Variants in MAMDC2 observed in about 807,000 individuals in gnomAD.
The protein encoded by MAMDC2 is MAM domain containing 2.
A neutral mutation model predicts 89.8 loss-of-function variants in MAMDC2; 57 were observed. The ratio of observed to expected loss-of-function variants is 0.63; its 90% CI spans 0.51 to 0.79. The LOEUF (loss-of-function observed/expected upper bound fraction) is 0.79. MAMDC2 is among the 30% of genes least tolerant of loss of function. MAMDC2 has a pLI of 0.00. For missense variants in MAMDC2, 800 were observed against 820.6 expected, an observed-to-expected ratio of 0.97 and a Z score of 0.31; for synonymous variants, 313 against 293.4, an observed-to-expected ratio of 1.07 and a Z score of -0.68.
intron 2 of MAMDC2, among the ~76,000 whole-genome samples, chr9:70,047,649 G>C (rs1289997000): frequency 6.6e-6 from 1 of 152,168 alleles, no homozygotes; most frequent in Admixed American, 6.5e-5. Flanking sequence ...TGTAAATAGT[G>C]CTGCAATAAA....
intron 2 of MAMDC2, chr9:70,092,374 G>C (rs1177026420): frequency 6.6e-6 from 1 of 152,220 alleles, no homozygotes; most frequent in Admixed American, 6.5e-5. Flanking sequence ...ACTCAATAAA[G>C]ACTATTTTGC....
chr9:70,064,781 C>G (rs1280097898), intron 2 of MAMDC2, among the ~76,000 whole-genome samples: 3 of 152,180 alleles, frequency 2.0e-5, no homozygotes, highest in Non-Finnish European at 4.4e-5. Flanking sequence ...CTCTAGTTGT[C>G]TAATGAGGAA....
At chr9:70,056,258 G>A (rs1230348851) in intron 2 of MAMDC2, among the ~76,000 whole-genome samples, 2 of 152,166 alleles carry the variant, frequency 1.3e-5, no homozygotes. Flanking sequence ...TTTATTAAAA[G>A]TGAATAATAG....
chr9:70,084,595 T>C (rs954871882), intron 2 of MAMDC2, among the ~76,000 whole-genome samples: 1 of 152,126 alleles, frequency 6.6e-6, no homozygotes, highest in African/African-American at 2.4e-5. Context: ...TCCCTCTGCC[T>C]GATTCCTTTC....
chr9:70,046,828 C>T (rs1826764964), intron 2 of MAMDC2, among the ~76,000 whole-genome samples: 1 of 152,250 alleles, frequency 6.6e-6, no homozygotes, highest in Admixed American at 6.5e-5. Flanking sequence ...CCTCTGAGCA[C>T]TCCAGGGTGG....
At chr9:70,198,877 T>C (rs993010421) in intron 11 of MAMDC2, among the ~76,000 whole-genome samples, 6 of 152,128 alleles carry the variant, frequency 3.9e-5, no homozygotes, top group African/African-American at 1.4e-4. Flanking sequence ...GACAAAAGAA[T>C]ATCACAACTC....
chr9:70,198,314 G>A (rs1015137676), intron 11 of MAMDC2, among the ~76,000 whole-genome samples: 7 of 151,824 alleles, frequency 4.6e-5, no homozygotes, highest in African/African-American at 1.7e-4. Context: ...TGGGGGTTGT[G>A]GAACTTGAGA....
chr9:70,215,299 G>A (rs1271647447), intron 11 of MAMDC2, among the ~76,000 whole-genome samples: 1 of 152,098 alleles, frequency 6.6e-6, no homozygotes, highest in Non-Finnish European at 1.5e-5. Flanking sequence ...CTGACCACTC[G>A]AGTTCGTAAT....
In MAMDC2 at chr9:70,218,539, A is replaced by G; in HGVS notation, c.1854A>G (p.Glu618=). The G allele has an allele frequency of 6.2e-7, 1 of 1,614,218 alleles. No individual in the cohort carries two copies. Among genetic ancestry groups the G allele is most frequent in the South Asian group, 1.1e-5 (1 of 91,078 alleles). Residue 618 remains glutamate (E), a synonymous_variant, in exon 12 of 14, where the codon GAA becomes GAG. Transcript: ENST00000377182. Reference sequence around the variant, plus strand: ...CCCTCTTATGGAGGAGAAGAGGTGAACAGAGCATTTCCTGGCTACGAGCAC... The same window carrying G: ...CCCTCTTATGGAGGAGAAGAGGTGAGCAGAGCATTTCCTGGCTACGAGCAC... ...EESLLWRRRG[E]QSISWLRALI...
In MAMDC2 at chr9:70,043,851, C is replaced by T. The variant is rs1459829740; in HGVS notation, c.-347C>T. On this transcript the variant is annotated 5_prime_UTR_variant, in exon 1 of 14. Coordinates refer to ENST00000377182, the MANE Select transcript of MAMDC2 (RefSeq NM_153267.5). Reference sequence around the variant, plus strand: ...CTGAGCGAAGGCACTGCGGGCCGACCTCTCCTCTCCCAGCCAGTCGTGGCT... The same window carrying T: ...CTGAGCGAAGGCACTGCGGGCCGACTTCTCCTCTCCCAGCCAGTCGTGGCT... The T allele has an allele frequency of 1.1e-5, 4 of 349,240 alleles. No homozygotes were observed. The highest frequency in any genetic ancestry group is 1.6e-5 in the Non-Finnish European group (3 of 191,214). 21.6% of individuals were successfully genotyped at this position (349,240 alleles called of 1,614,324 possible). A position where few individuals can be genotyped will look rare whatever the true frequency, so the allele number is the denominator to read the frequency against.
In MAMDC2 at chr9:70,173,189, A is replaced by G. The variant is rs549314371; in HGVS notation, c.1651+2558A>G. Among the ~76,000 whole-genome samples, 44 of 152,256 alleles carry G rather than the reference A, an allele frequency of 2.9e-4. 2 individuals carry two copies. The South Asian group carries it at 8.5e-3, about 29-fold the overall frequency. ...CAGTGGCTGTAGCAACTGCAGTCTC[A>G]TGGGCCTTTCAACATTGAATCTAGC... On this transcript the variant is annotated intron_variant, in intron 11 of 13. Transcript: ENST00000377182.
intron 11 of MAMDC2, among the ~76,000 whole-genome samples, chr9:70,178,955 T>G (rs1311426067): frequency 6.6e-6 from 1 of 152,142 alleles, no homozygotes; most frequent in Non-Finnish European, 1.5e-5. Flanking sequence ...TAGGCTGGCA[T>G]GTAGAATATT....
At chr9:70,093,280 T>G (rs1392468961) in intron 2 of MAMDC2, among the ~76,000 whole-genome samples, 2 of 152,242 alleles carry the variant, frequency 1.3e-5, no homozygotes, top group Non-Finnish European at 2.9e-5. Flanking sequence ...TAGCATCTCT[T>G]GTCTTGTGAA....
intron 2 of MAMDC2, among the ~76,000 whole-genome samples, chr9:70,046,279 C>T (rs572395962): frequency 4.6e-5 from 7 of 152,254 alleles, no homozygotes; most frequent in South Asian, 4.1e-4. Flanking sequence ...TGAGAACTGC[C>T]GACTTCCACA....
intron 2 of MAMDC2, among the ~76,000 whole-genome samples, chr9:70,052,708 C>A (rs1372425441): frequency 6.6e-6 from 1 of 152,110 alleles, no homozygotes; most frequent in Non-Finnish European, 1.5e-5. Context: ...ATCTGTAAAG[C>A]CATTGTTGAG....
chr9:70,062,527 T>G (rs1170863977), intron 2 of MAMDC2: 1 of 152,228 alleles, frequency 6.6e-6, no homozygotes, highest in Non-Finnish European at 1.5e-5. Flanking sequence ...TGCTTCCATT[T>G]AAACCCATTT....
At chr9:70,223,567 T>A (rs1362882717) in intron 12 of MAMDC2, among the ~76,000 whole-genome samples, 2 of 152,190 alleles carry the variant, frequency 1.3e-5, no homozygotes, top group Non-Finnish European at 2.9e-5. Context: ...AAACTTTGAA[T>A]GACATTGAGC....
chr9:70,054,922 C>CA (rs886451849), intron 2 of MAMDC2, among the ~76,000 whole-genome samples: 3 of 151,944 alleles, frequency 2.0e-5, no homozygotes, highest in Non-Finnish European at 2.9e-5. Flanking sequence ...CATTGAAAAA[C>CA]AAAAACAAGG....
At chr9:70,085,262 C>A (rs1311952487) in intron 2 of MAMDC2, among the ~76,000 whole-genome samples, 1 of 152,070 alleles carries the variant, frequency 6.6e-6, no homozygotes, top group African/African-American at 2.4e-5. Flanking sequence ...GGCATAGACA[C>A]CGTCCCTAGA....
Sources: allele counts gnomAD v4.1 joint callset (sites outside exome capture counted in the v4.1 genomes callset), GRCh38; gene constraint gnomAD v4.1.1; transcripts MANE v1.5; gene names NCBI Gene and HGNC (gene_info 2026-07-23, HGNC 2026-07-21).